Variants in OSBPL1A observed in about 807,000 individuals in gnomAD.
The protein encoded by OSBPL1A is oxysterol-binding protein-related protein 1.
A neutral mutation model predicts 137.1 loss-of-function variants in OSBPL1A; 80 were observed. The ratio of observed to expected loss-of-function variants is 0.58; its 90% CI spans 0.49 to 0.70. The LOEUF is 0.70. Ranked by LOEUF, OSBPL1A falls within the 30% of genes least tolerant of loss-of-function variation. OSBPL1A has a pLI of 0.00. For missense variants in OSBPL1A, 970 were observed against 1,129.4 expected (o/e 0.86, Z 2.02); for synonymous variants, 365 against 389.7 (o/e 0.94, Z 0.75).
rs189160902 is a variant in OSBPL1A at position 24,323,269 on chromosome 18, G to T, written c.626-4460C>A. On this transcript the variant is annotated intron_variant, in intron 7 of 27. Coordinates refer to ENST00000319481, the MANE Select transcript of OSBPL1A (RefSeq NM_080597.4). ...TAAAAAACAATAAAAAATACAAAAAGAGACTGGGCACCATGGCTCATGCCT... is the reference window on the plus strand; with the variant it reads ...TAAAAAACAATAAAAAATACAAAAATAGACTGGGCACCATGGCTCATGCCT... Among the ~76,000 whole-genome samples the T allele has an allele frequency of 3.5e-3, 535 of 152,008 alleles. 3 individuals are homozygous for T. The highest frequency in any genetic ancestry group is 0.012 in the African/African-American group (479 of 41,518).
intron 1 of OSBPL1A, among the ~76,000 whole-genome samples, chr18:24,391,230 A>G (rs1336870312): frequency 2.0e-5 from 3 of 152,224 alleles, no homozygotes; most frequent in Non-Finnish European, 4.4e-5. Context: ...GAGACAGCTA[A>G]AATAGTCAAA....
At chr18:24,195,454 G>C (rs569882375) in intron 18 of OSBPL1A, among the ~76,000 whole-genome samples, 1 of 152,270 alleles carries the variant, frequency 6.6e-6, no homozygotes, top group East Asian at 1.9e-4. Context: ...GTGCTCCCAG[G>C]GTACACATTC....
intron 15 of OSBPL1A, among the ~76,000 whole-genome samples, chr18:24,275,884 C>T (rs1017132767): frequency 1.3e-5 from 2 of 152,044 alleles, no homozygotes; most frequent in African/African-American, 2.4e-5. Flanking sequence ...CCTGCCACCA[C>T]GCCTGGCTAA....
chr18:24,260,143 A>G (rs1217771171), intron 15 of OSBPL1A, among the ~76,000 whole-genome samples: 1 of 152,212 alleles, frequency 6.6e-6, no homozygotes, highest in South Asian at 2.1e-4. Flanking sequence ...TAGAATGGCT[A>G]TAATTTTTTT....
At position 24,225,027 on chromosome 18, in the gene OSBPL1A, C is replaced by T; in HGVS notation, c.1601+15G>A. The T allele has an allele frequency of 5.6e-6, 9 of 1,613,872 alleles. No homozygotes were observed. The highest frequency in any genetic ancestry group is 7.6e-6 in the Non-Finnish European group (9 of 1,179,840). Reference sequence around the variant, plus strand: ...GTAAAAACGCAGCAGTGACAACTGTCAGAGGCGATCCTACCTGTGTTTCTT... The same window carrying T: ...GTAAAAACGCAGCAGTGACAACTGTTAGAGGCGATCCTACCTGTGTTTCTT... On this transcript the variant is annotated intron_variant, in intron 17 of 27. Transcript: ENST00000319481.
intron 17 of OSBPL1A, 115 bp downstream of exon 17, chr18:24,224,927 G>T: frequency 7.6e-7 from 1 of 1,312,368 alleles, no homozygotes; most frequent in Non-Finnish European, 1.1e-6. Context: ...AGGTGATATA[G>T]CAATATAAAT....
chr18:24,214,531 G>T (rs1262064670), intron 17 of OSBPL1A, among the ~76,000 whole-genome samples: 1 of 152,162 alleles, frequency 6.6e-6, no homozygotes, highest in Non-Finnish European at 1.5e-5. Context: ...TATCGAGAAA[G>T]GTCATGTCTC....
At chr18:24,243,606 C>G (rs928590229) in intron 15 of OSBPL1A, among the ~76,000 whole-genome samples, 2 of 152,220 alleles carry the variant, frequency 1.3e-5, no homozygotes, top group African/African-American at 4.8e-5. Flanking sequence ...CCGTTACCCA[C>G]CTAAAATAAG....
At chr18:24,191,878 C>G (rs1327031207) in intron 18 of OSBPL1A, among the ~76,000 whole-genome samples, 1 of 152,106 alleles carries the variant, frequency 6.6e-6, no homozygotes, top group Non-Finnish European at 1.5e-5. Context: ...AATGGAAATA[C>G]AAATTAAAGG....
intron 17 of OSBPL1A, among the ~76,000 whole-genome samples, chr18:24,222,084 C>A (rs1207278498): frequency 6.6e-6 from 1 of 152,086 alleles, no homozygotes; most frequent in Non-Finnish European, 1.5e-5. Flanking sequence ...TGACAGCAGG[C>A]ATCTTATTCC....
intron 15 of OSBPL1A, among the ~76,000 whole-genome samples, chr18:24,267,709 A>T (rs2089613608): frequency 6.6e-6 from 1 of 152,178 alleles, no homozygotes. Flanking sequence ...ACCAAAGAAC[A>T]TCTGATAAAA....
Position 24,317,087 on chromosome 18 carries a change from G to T in OSBPL1A, c.870+62C>A, listed in dbSNP as rs562605477. On this transcript the variant is annotated intron_variant, in intron 11 of 27. Transcript: ENST00000319481. ...TTACAAGGCTGTATAAATGATTTGG[G>T]TCAATCACTTGAAGAACTGATTTCA... is the stretch of plus-strand genomic sequence containing the variant. 2.6e-6 allele frequency: 4 copies of T among 1,519,630 alleles called. No homozygotes were observed. In the South Asian group the frequency reaches 4.5e-5, roughly 17 times the overall value. 94.1% of individuals were successfully genotyped at this position (1,519,630 alleles called of 1,614,324 possible). A position where few individuals can be genotyped will look rare whatever the true frequency, so the allele number is the denominator to read the frequency against.
chr18:24,175,100 A>ACG (rs2086389937), intron 21 of OSBPL1A, among the ~76,000 whole-genome samples: 1 of 59,528 alleles, frequency 1.7e-5, no homozygotes, highest in African/African-American at 8.9e-5. Flanking sequence ...CTTATTTGCC[A>ACG]TGTGTATGTA....
intron 15 of OSBPL1A, among the ~76,000 whole-genome samples, chr18:24,268,803 C>T (rs1268356767): frequency 6.6e-6 from 1 of 152,156 alleles, no homozygotes; most frequent in Non-Finnish European, 1.5e-5. Context: ...TAACATTATT[C>T]GTTCCTTTGA....
At chr18:24,235,797 T>G (rs900218423) in intron 16 of OSBPL1A, among the ~76,000 whole-genome samples, 9 of 152,222 alleles carry the variant, frequency 5.9e-5, no homozygotes, top group African/African-American at 2.2e-4. Flanking sequence ...TGTCCTTATC[T>G]CTGGAACCTG....
chr18:24,233,706 T>C (rs955421139), intron 16 of OSBPL1A, among the ~76,000 whole-genome samples: 2 of 152,166 alleles, frequency 1.3e-5, no homozygotes, highest in African/African-American at 4.8e-5. Context: ...TGGAGTGCAA[T>C]GGCGCGATCT....
At position 24,366,023 on chromosome 18, in the gene OSBPL1A, C is replaced by A. The variant is rs28833270; in HGVS notation, c.282+869G>T. On this transcript the variant is annotated intron_variant, in intron 4 of 27. Coordinates refer to ENST00000319481, the MANE Select transcript of OSBPL1A (RefSeq NM_080597.4). ...TCAGTCCCAGCACTTCTCCCCACCC[C>A]TCAGACACCAGCTGCAGGTCCAGAC... 9.3e-3 allele frequency among the ~76,000 whole-genome samples: 1,421 copies of A among 152,282 alleles called. 18 individuals carry two copies. Among genetic ancestry groups the A allele is most frequent in the African/African-American group, 0.026 (1,086 of 41,538 alleles).
chr18:24,181,594 G>C (rs1348327542), intron 18 of OSBPL1A, among the ~76,000 whole-genome samples: 1 of 152,208 alleles, frequency 6.6e-6, no homozygotes, highest in Non-Finnish European at 1.5e-5. Flanking sequence ...TAGGAAATGG[G>C]AGACAAAGGC....
chr18:24,301,720 A>C (rs1005827173), intron 14 of OSBPL1A, among the ~76,000 whole-genome samples: 3 of 152,232 alleles, frequency 2.0e-5, no homozygotes, highest in African/African-American at 7.2e-5. Context: ...TGCAACTAAT[A>C]ATCAAAATAA....
Sources: allele counts gnomAD v4.1 joint callset (sites outside exome capture counted in the v4.1 genomes callset), GRCh38; gene constraint gnomAD v4.1.1; transcripts MANE v1.5; gene names NCBI Gene and HGNC (gene_info 2026-07-23, HGNC 2026-07-21).